Variants in BAZ1B observed in about 807,000 individuals in gnomAD.
The protein encoded by BAZ1B is tyrosine-protein kinase BAZ1B.
A neutral mutation model predicts 153.8 loss-of-function variants in BAZ1B; 22 were observed. That is an observed-to-expected ratio of 0.14 (90% CI 0.10 to 0.20). The LOEUF is 0.20. BAZ1B is among the 10% of genes least tolerant of loss of function. The pLI is 1.00. For missense variants in BAZ1B, 1,325 were observed against 1,799.3 expected (o/e 0.74, Z 4.77); for synonymous variants, 676 against 633.4 (o/e 1.07, Z -1.01).
rs74691190 is a variant in BAZ1B at position 73,457,744 on chromosome 7, T to C, written c.3432+1792A>G. On this transcript the variant is annotated intron_variant, in intron 13 of 19. Transcript: ENST00000339594. ...GCTGGCCACCAGAAAGACCAGATGA[T>C]TAGAAGACTGGAATGTTCAGCCCTA... Among the ~76,000 whole-genome samples the C allele has an allele frequency of 7.1e-4, 108 of 152,116 alleles. 1 individual carries two copies. In the East Asian group the frequency reaches 0.019, roughly 27 times the overall value.
chr7:73,480,775 C>T (rs1310816889), intron 6 of BAZ1B, among the ~76,000 whole-genome samples: 2 of 151,930 alleles, frequency 1.3e-5, no homozygotes, highest in African/African-American at 4.8e-5. Context: ...TACTGAATAA[C>T]GAAATTATGA....
At chr7:73,506,708 G>A in intron 3 of BAZ1B, among the ~76,000 whole-genome samples, 1 of 148,230 alleles carries the variant, frequency 6.7e-6, no homozygotes, top group Non-Finnish European at 1.5e-5. Flanking sequence ...AAAATTAGCA[G>A]GGCATGGTGG....
At chr7:73,472,868 T>C (rs1788862404) in intron 7 of BAZ1B, among the ~76,000 whole-genome samples, 1 of 151,526 alleles carries the variant, frequency 6.6e-6, no homozygotes, top group South Asian at 2.1e-4. Context: ...GCGATTATCC[T>C]GTCTCAGCTT....
intron 3 of BAZ1B, among the ~76,000 whole-genome samples, chr7:73,504,227 AC>A (rs1583945467): frequency 6.6e-6 from 1 of 152,114 alleles, no homozygotes; most frequent in East Asian, 1.9e-4. Flanking sequence ...TGTGATTAGA[AC>A]CCACTAATGG....
intron 3 of BAZ1B, among the ~76,000 whole-genome samples, chr7:73,499,414 T>C (rs1790039660): frequency 3.3e-5 from 5 of 152,148 alleles, no homozygotes; most frequent in Admixed American, 2.6e-4. Context: ...CTCTACTTAA[T>C]TACCTTTCCA....
rs574857559 is a variant in BAZ1B, at chr7:73,450,054, T to G, written c.3581-365A>C. ...CCTGATGAGTGTTCTCTCTCTCTCT[T>G]TTTTTTTTTTGGAGACAGAGTCTTG... On this transcript the variant is annotated intron_variant, in intron 14 of 19. Coordinates refer to ENST00000339594, the MANE Select transcript of BAZ1B (RefSeq NM_032408.4). The surrounding 1 kb of genome is among the most constrained non-coding windows in gnomAD (Gnocchi z 4.1). Among the ~76,000 whole-genome samples, 1 of 134,088 alleles carries G rather than the reference T, an allele frequency of 7.5e-6. No homozygotes were observed. 88.0% of individuals were successfully genotyped at this position (134,088 alleles called of 152,430 possible). A position where few individuals can be genotyped will look rare whatever the true frequency, so the allele number is the denominator to read the frequency against.
chr7:73,464,181 C>T (rs1318654630), intron 11 of BAZ1B: 3 of 984,668 alleles, frequency 3.0e-6, no homozygotes, highest in African/African-American at 1.7e-5. Context: ...TATTTTCCTT[C>T]TCTCTTCCAT....
At chr7:73,486,825 AAAAG>A (rs1789430532) in intron 6 of BAZ1B, among the ~76,000 whole-genome samples, 1 of 152,234 alleles carries the variant, frequency 6.6e-6, no homozygotes, top group Admixed American at 6.5e-5. Flanking sequence ...TTCTTCTAGA[AAAAG>A]AAAGAAAACA....
At chr7:73,508,136 CAG>C (rs1790420008) in intron 3 of BAZ1B, among the ~76,000 whole-genome samples, 189 bp downstream of exon 3, 1 of 152,094 alleles carries the variant, frequency 6.6e-6, no homozygotes, top group Non-Finnish European at 1.5e-5. Flanking sequence ...GCCTTGGCGA[CAG>C]AGTGAGACTC....
intron 1 of BAZ1B, among the ~76,000 whole-genome samples, chr7:73,520,907 T>C (rs1369575842): frequency 6.6e-6 from 1 of 152,226 alleles, no homozygotes; most frequent in African/African-American, 2.4e-5. Flanking sequence ...AAATCGTTTT[T>C]GTTTTTTTTA....
Position 73,466,387 on chromosome 7 carries a change from A to C in BAZ1B, c.2881T>G (p.Leu961Val). ...GTGTTCATGCTTGCATTTTTACCTAAGTTTGCTTTCTTACCTAAGAAAAAT... is the reference window on the plus strand; with the variant it reads ...GTGTTCATGCTTGCATTTTTACCTACGTTTGCTTTCTTACCTAAGAAAAAT... ...DYCPRSKKANLGKNASMNTQH... is the reference protein window; with the variant it reads ...DYCPRSKKANVGKNASMNTQH... Residue 961 changes from leucine to valine, a missense_variant, in exon 10 of 20, where the codon TTA becomes GTA. Physicochemically the swap from Leu to Val is conservative, Grantham distance 32. This residue lies in a region of BAZ1B where 431 missense variants were observed against 563.5 expected (regional missense o/e 0.76). Transcript: ENST00000339594. 6.2e-7 allele frequency: 1 copy of C among 1,613,594 alleles called. No individual in the cohort carries two copies. The highest frequency in any genetic ancestry group is 8.5e-7 in the Non-Finnish European group (1 of 1,179,654).
intron 1 of BAZ1B, among the ~76,000 whole-genome samples, chr7:73,519,671 C>T (rs1375692839): frequency 6.6e-6 from 1 of 152,090 alleles, no homozygotes; most frequent in Non-Finnish European, 1.5e-5. Context: ...AAAAAGCCTG[C>T]GTTGCCAGTC....
chr7:73,475,923 CAAAA>C (rs34851345), intron 7 of BAZ1B, among the ~76,000 whole-genome samples: 1 of 113,986 alleles, frequency 8.8e-6, no homozygotes. Context: ...GACTCCATCT[CAAAA>C]AAAAAAAAAA....
At chr7:73,490,300 C>T (rs1385749710) in intron 5 of BAZ1B, among the ~76,000 whole-genome samples, 1 of 151,822 alleles carries the variant, frequency 6.6e-6, no homozygotes, top group Non-Finnish European at 1.5e-5. Context: ...GTTTAGCACA[C>T]AATAAATGAA....
intron 3 of BAZ1B, among the ~76,000 whole-genome samples, chr7:73,499,442 C>T (rs62465154): frequency 0.061 from 9,318 of 152,208 alleles, 326 homozygotes; most frequent in African/African-American, 0.078. Context: ...CAAAAATCAA[C>T]TGTGTAGGGC....
chr7:73,497,324 C>T (rs1312433607), intron 4 of BAZ1B, among the ~76,000 whole-genome samples: 1 of 152,130 alleles, frequency 6.6e-6, no homozygotes, highest in Non-Finnish European at 1.5e-5. Context: ...ACTGAGGTCA[C>T]TTCAACAGCA....
At chr7:73,487,520 T>C (rs1392863180) in intron 6 of BAZ1B, among the ~76,000 whole-genome samples, 1 of 152,232 alleles carries the variant, frequency 6.6e-6, no homozygotes, top group Non-Finnish European at 1.5e-5. Flanking sequence ...ATTATTCACA[T>C]ACTTGAATCA....
chr7:73,472,327 C>T (rs1372017893), intron 7 of BAZ1B, among the ~76,000 whole-genome samples: 1 of 151,474 alleles, frequency 6.6e-6, no homozygotes, highest in East Asian at 1.9e-4. Flanking sequence ...GGTATGATCT[C>T]GCCTCACCGC....
chr7:73,484,382 A>G (rs888309999), intron 6 of BAZ1B, among the ~76,000 whole-genome samples: 3 of 152,110 alleles, frequency 2.0e-5, no homozygotes, highest in African/African-American at 7.2e-5. Flanking sequence ...TCACACCTGT[A>G]ATCCCAACAC....
Sources: gnomAD v4.1 joint callset for allele counts (sites outside exome capture counted in the v4.1 genomes callset) on GRCh38, gnomAD v4.1.1 for gene constraint, gnomAD v4.1.1 regional missense constraint, Gnocchi (gnomAD v3.1) non-coding constraint, MANE v1.5 for transcripts, NCBI Gene and HGNC (gene_info 2026-07-23, HGNC 2026-07-21) for gene names.